The following LUZP2 variants were observed in gnomAD, a reference collection of about 807,000 sequenced individuals.
LUZP2 encodes leucine zipper protein 2.
A neutral mutation model predicts 51.6 loss-of-function variants in LUZP2; 52 were observed. The observed-to-expected ratio is 1.01, with a 90% CI of 0.81 to 1.27. The LOEUF (loss-of-function observed/expected upper bound fraction) is 1.27, where lower values mean the gene tolerates loss of function less well. LUZP2 is among the 50% of genes most tolerant of loss of function. The pLI, the probability that LUZP2 is intolerant of heterozygous loss-of-function variation, is 0.00. For missense variants in LUZP2, 436 were observed against 395.4 expected, an observed-to-expected ratio of 1.10 and a Z score of -0.87; for synonymous variants, 154 against 137.3, an observed-to-expected ratio of 1.12 and a Z score of -0.85.
At chr11:24,759,062 A>G (rs1206246092) in intron 4 of LUZP2, among the ~76,000 whole-genome samples, 1 of 152,142 alleles carries the variant, frequency 6.6e-6, no homozygotes, top group Non-Finnish European at 1.5e-5. Flanking sequence ...AAATATTTCA[A>G]ACCTGTGACC....
chr11:24,635,197 T>A (rs1330853757), intron 1 of LUZP2, among the ~76,000 whole-genome samples: 1 of 151,846 alleles, frequency 6.6e-6, no homozygotes, highest in Non-Finnish European at 1.5e-5. Flanking sequence ...TAAAAAAAAA[T>A]TATAAAAGAT....
intron 5 of LUZP2, among the ~76,000 whole-genome samples, chr11:24,813,133 A>G (rs186064893): frequency 6.6e-6 from 1 of 152,182 alleles, no homozygotes; most frequent in Admixed American, 6.6e-5. Flanking sequence ...CCATTCTCTC[A>G]TGTTTACTTA....
chr11:24,720,247 A>C, intron 1 of LUZP2, among the ~76,000 whole-genome samples: 1 of 63,004 alleles, frequency 1.6e-5, no homozygotes, highest in Admixed American at 1.4e-4. Context: ...AGATAATAGA[A>C]AAAAAAAATA....
intron 1 of LUZP2, among the ~76,000 whole-genome samples, chr11:24,728,405 C>A (rs1345248956): frequency 6.6e-6 from 1 of 151,966 alleles, no homozygotes; most frequent in African/African-American, 2.4e-5. Context: ...GTTTGCCTGC[C>A]TCCCCTGCTT....
intron 9 of LUZP2, among the ~76,000 whole-genome samples, chr11:25,004,235 C>T (rs556084466): frequency 5.3e-5 from 8 of 152,262 alleles, no homozygotes; most frequent in South Asian, 2.1e-4. Flanking sequence ...CTCAGCATAG[C>T]GGACATGGAC....
intron 4 of LUZP2, among the ~76,000 whole-genome samples, chr11:24,759,459 T>C (rs1402734778): frequency 6.6e-6 from 1 of 152,190 alleles, no homozygotes; most frequent in African/African-American, 2.4e-5. Flanking sequence ...AATATTTAAG[T>C]ATTGCATTCT....
chr11:24,852,310 T>G (rs1403715986), intron 5 of LUZP2, among the ~76,000 whole-genome samples: 2 of 152,236 alleles, frequency 1.3e-5, no homozygotes, highest in Non-Finnish European at 2.9e-5. Flanking sequence ...ATTGTGTCTT[T>G]GTTCTCATTG....
intron 1 of LUZP2, among the ~76,000 whole-genome samples, chr11:24,700,403 C>T (rs757496906): frequency 2.2e-4 from 33 of 152,122 alleles, no homozygotes; most frequent in African/African-American, 2.2e-4. Context: ...CAAGCATTAG[C>T]AGCTTAGTGA....
chr11:25,044,064 CTA>C (rs372261934), intron 9 of LUZP2, among the ~76,000 whole-genome samples: 6 of 1,114 alleles, frequency 5.4e-3, no homozygotes, highest in African/African-American at 9.5e-3. Context: ...TATATAGAGT[CTA>C]TATATATCTG....
intron 1 of LUZP2, among the ~76,000 whole-genome samples, chr11:24,584,654 A>T (rs747320223): frequency 6.6e-6 from 1 of 152,138 alleles, no homozygotes; most frequent in Non-Finnish European, 1.5e-5. Flanking sequence ...GTGCTCTGGC[A>T]TGTGTGTGTA....
chr11:24,787,931 A>G (rs1849293738), intron 5 of LUZP2, among the ~76,000 whole-genome samples: 3 of 151,574 alleles, frequency 2.0e-5, no homozygotes, highest in African/African-American at 7.3e-5. Flanking sequence ...TTGCTGTCTT[A>G]TCCTTTCTTA....
At chr11:25,037,743 C>A (rs1022985366) in intron 9 of LUZP2, among the ~76,000 whole-genome samples, 3 of 151,864 alleles carry the variant, frequency 2.0e-5, no homozygotes, top group Non-Finnish European at 4.4e-5. Flanking sequence ...ATATGAAATT[C>A]TTGTTGGATT....
At chr11:24,807,024 CAAAAAA>C (rs34565471) in intron 5 of LUZP2, among the ~76,000 whole-genome samples, 2 of 110,292 alleles carry the variant, frequency 1.8e-5, no homozygotes, top group Non-Finnish European at 3.5e-5. Flanking sequence ...GAAAATCCAC[CAAAAAA>C]AAAAAAAAAA....
chr11:24,684,159 C>A (rs1027869099), intron 1 of LUZP2, among the ~76,000 whole-genome samples: 2 of 152,026 alleles, frequency 1.3e-5, no homozygotes, highest in African/African-American at 4.8e-5. Context: ...CCCAATCAGA[C>A]CCCTTTTCCT....
At chr11:24,866,189 C>A (rs1240608401) in intron 5 of LUZP2, among the ~76,000 whole-genome samples, 2 of 150,698 alleles carry the variant, frequency 1.3e-5, no homozygotes, top group East Asian at 1.9e-4. Flanking sequence ...GTCTAATATT[C>A]TTCTTTACAA....
intron 1 of LUZP2, among the ~76,000 whole-genome samples, chr11:24,665,889 T>C (rs142581976): frequency 1.2e-4 from 18 of 152,318 alleles, no homozygotes; most frequent in African/African-American, 4.1e-4. Flanking sequence ...CAATAGTAAT[T>C]CATTATAGTC....
At chr11:24,812,476 A>G (rs558915030) in intron 5 of LUZP2, among the ~76,000 whole-genome samples, 12 of 152,312 alleles carry the variant, frequency 7.9e-5, no homozygotes, top group African/African-American at 1.2e-4. Context: ...TGTACACATA[A>G]AGAACTGATT....
intron 10 of LUZP2, among the ~76,000 whole-genome samples, chr11:25,074,820 A>G (rs1177890955): frequency 6.6e-6 from 1 of 152,096 alleles, no homozygotes; most frequent in African/African-American, 2.4e-5. Flanking sequence ...ACCTCCTGTG[A>G]TTATGTGATC....
At chr11:24,940,673 G>A (rs1854721645) in intron 7 of LUZP2, among the ~76,000 whole-genome samples, 1 of 152,060 alleles carries the variant, frequency 6.6e-6, no homozygotes, top group South Asian at 2.1e-4. Context: ...AATAATATTA[G>A]CTATTATTGT....
Sources: allele counts gnomAD v4.1 joint callset (sites outside exome capture counted in the v4.1 genomes callset), GRCh38; gene constraint gnomAD v4.1.1; transcripts MANE v1.5; gene names NCBI Gene and HGNC (gene_info 2026-07-23, HGNC 2026-07-21).